SOX6: variants seen among roughly 807,000 people sequenced by gnomAD.
The protein encoded by SOX6 is transcription factor SOX-6.
SOX6 carries 11 observed loss-of-function variants against 97.8 expected under a neutral mutation model. That is an observed-to-expected ratio of 0.11 (90% CI 0.07 to 0.19). SOX6 has a LOEUF of 0.19. Among genes scored for constraint, SOX6 ranks in the 10% least tolerant of loss-of-function variants. The pLI is 1.00. For synonymous variants in SOX6, 360 were observed against 371.4 expected (o/e 0.97, Z 0.35); for missense variants, 810 against 1,039.5 (o/e 0.78, Z 3.04).
intron 3 of SOX6, among the ~76,000 whole-genome samples, chr11:16,297,165 A>T (rs906344330): frequency 1.3e-5 from 2 of 152,170 alleles, no homozygotes; most frequent in East Asian, 3.9e-4. Flanking sequence ...TTCATAAAGT[A>T]ATAATCATCT....
At chr11:16,291,386 TAAAC>T (rs1198696503) in intron 3 of SOX6, among the ~76,000 whole-genome samples, 34 of 151,238 alleles carry the variant, frequency 2.2e-4, no homozygotes, top group African/African-American at 6.8e-4. Flanking sequence ...AATAAATAAA[TAAAC>T]AAATAAATGA....
intron 3 of SOX6, among the ~76,000 whole-genome samples, chr11:16,714,494 C>T (rs1293535767): frequency 6.9e-6 from 1 of 145,726 alleles, no homozygotes; most frequent in African/African-American, 2.6e-5. Flanking sequence ...TGCTCTGTCG[C>T]CAGGCTGGAA....
chr11:16,738,428 C>A, exon 1 of SOX6: 1 of 383,230 alleles, frequency 2.6e-6, no homozygotes. Flanking sequence ...CGCTCACCGC[C>A]ATACACATCC....
rs1316649788 is a variant in SOX6 at position 16,554,207 on chromosome 11, C to A, written n.609+57874G>T. On this transcript the variant is annotated intron_variant and non_coding_transcript_variant, in intron 4 of 5. Transcript: ENST00000524520. ...AAATTGAGTCACTGTGAACTAATAA[C>A]AAAAATGCTTAAAACCCTTTGATAA... Among the ~76,000 whole-genome samples the A allele has an allele frequency of 5.3e-5, 8 of 152,176 alleles. No individual in the cohort carries two copies. The East Asian group carries it at 1.5e-3, about 29-fold the overall frequency.
At chr11:16,606,689 C>A (rs1275894703) in intron 4 of SOX6, among the ~76,000 whole-genome samples, 2 of 152,154 alleles carry the variant, frequency 1.3e-5, no homozygotes, top group Non-Finnish European at 2.9e-5. Flanking sequence ...GATTTCCGGA[C>A]GAATACTTAG....
At chr11:16,504,972 G>A (rs1438924863) in intron 4 of SOX6, among the ~76,000 whole-genome samples, 1 of 152,136 alleles carries the variant, frequency 6.6e-6, no homozygotes, top group African/African-American at 2.4e-5. Context: ...TTATTACCCA[G>A]TTTCAGGTAT....
intron 3 of SOX6, among the ~76,000 whole-genome samples, chr11:16,241,576 T>C (rs1193875078): frequency 6.6e-6 from 1 of 152,088 alleles, no homozygotes; most frequent in Non-Finnish European, 1.5e-5. Flanking sequence ...ATTCTTTATT[T>C]TGGTTTCTTT....
intron 6 of SOX6, among the ~76,000 whole-genome samples, chr11:16,128,649 T>A (rs1174495610): frequency 6.6e-6 from 1 of 152,094 alleles, no homozygotes; most frequent in African/African-American, 2.4e-5. Context: ...GGAAAGAAGC[T>A]CTAGTGAGCT....
At chr11:15,976,327 T>C (rs1475890484) in intron 15 of SOX6, among the ~76,000 whole-genome samples, 1 of 152,218 alleles carries the variant, frequency 6.6e-6, no homozygotes, top group Non-Finnish European at 1.5e-5. Flanking sequence ...TGTGTGATCC[T>C]GGGCAGGCTA....
chr11:16,016,192 G>T (rs570049158), intron 12 of SOX6, among the ~76,000 whole-genome samples: 1 of 152,122 alleles, frequency 6.6e-6, no homozygotes, highest in East Asian at 1.9e-4. Context: ...TGCCTCATTT[G>T]TACAGCCTGA....
chr11:16,648,313 A>G (rs1590036589), intron 3 of SOX6, among the ~76,000 whole-genome samples: 1 of 151,106 alleles, frequency 6.6e-6, no homozygotes, highest in Non-Finnish European at 1.5e-5. Context: ...CCAGAGAATC[A>G]CCCCCCAACC....
At chr11:16,367,719 C>A (rs1295751354) in intron 1 of SOX6, among the ~76,000 whole-genome samples, 3 of 152,138 alleles carry the variant, frequency 2.0e-5, no homozygotes, top group African/African-American at 4.8e-5. Flanking sequence ...ATCACCACAA[C>A]AGTGTGAATC....
intron 1 of SOX6, among the ~76,000 whole-genome samples, chr11:16,393,691 C>T (rs1277453343): frequency 6.6e-6 from 1 of 152,064 alleles, no homozygotes; most frequent in Non-Finnish European, 1.5e-5. Context: ...AACCACTAAA[C>T]TTCATCCAAT....
At chr11:16,268,241 T>C (rs1419688153) in intron 3 of SOX6, among the ~76,000 whole-genome samples, 1 of 151,318 alleles carries the variant, frequency 6.6e-6, no homozygotes, top group Non-Finnish European at 1.5e-5. Context: ...ATGAATAGGT[T>C]AGTTTAATCA....
intron 4 of SOX6, among the ~76,000 whole-genome samples, chr11:16,497,567 G>GA (rs1382002991): frequency 6.6e-6 from 1 of 151,828 alleles, no homozygotes; most frequent in East Asian, 1.9e-4. Context: ...TAAAAACCTT[G>GA]AAAAAAAATT....
intron 8 of SOX6, among the ~76,000 whole-genome samples, chr11:16,097,096 A>G (rs906705520): frequency 3.3e-5 from 5 of 151,848 alleles, no homozygotes; most frequent in Non-Finnish European, 7.4e-5. Flanking sequence ...TTTATCAGAC[A>G]CCATGCCCTG....
chr11:16,544,180 G>A (rs1383370838), intron 4 of SOX6, among the ~76,000 whole-genome samples: 1 of 152,146 alleles, frequency 6.6e-6, no homozygotes, highest in Non-Finnish European at 1.5e-5. Context: ...CATAGAAACA[G>A]AAAAATTATT....
intron 4 of SOX6, among the ~76,000 whole-genome samples, chr11:16,549,154 G>A (rs901006524): frequency 1.3e-5 from 2 of 152,078 alleles, no homozygotes; most frequent in East Asian, 1.9e-4. Flanking sequence ...ACTAATAGAA[G>A]TCTACCAGAA....
intron 4 of SOX6, among the ~76,000 whole-genome samples, chr11:16,200,162 C>A (rs546471192): frequency 6.6e-6 from 1 of 152,080 alleles, no homozygotes; most frequent in Admixed American, 6.5e-5. Context: ...ACAAGCCATT[C>A]TTTAGTTGAA....
Sources: allele counts gnomAD v4.1 joint callset (sites outside exome capture counted in the v4.1 genomes callset), GRCh38; gene constraint gnomAD v4.1.1; transcripts MANE v1.5; gene names NCBI Gene and HGNC (gene_info 2026-07-23, HGNC 2026-07-21).